The following EVPL variants were observed in gnomAD, a reference collection of about 807,000 sequenced individuals.
EVPL encodes envoplakin.
EVPL carries 94 observed loss-of-function variants against 129.7 expected under a neutral mutation model. That is an observed-to-expected ratio of 0.72 (90% CI 0.61 to 0.86). The LOEUF (loss-of-function observed/expected upper bound fraction) is 0.86. EVPL is among the 40% of genes least tolerant of loss of function. The pLI is 0.00. For missense variants in EVPL, 2,625 were observed against 2,721.1 expected (o/e 0.96, Z 0.79); for synonymous variants, 1,172 against 1,191.1 (o/e 0.98, Z 0.33).
chr17:76,014,874 G>A, intron 17 of EVPL, 42 bp downstream of exon 17: 1 of 1,537,614 alleles, frequency 6.5e-7, no homozygotes. Flanking sequence ...GCCTGGCTCT[G>A]CACCAGCCCA....
In EVPL at chr17:76,017,725, C is replaced by A. The variant is rs774915012; in HGVS notation, c.1710+14G>T. The A allele has an allele frequency of 2.5e-6, 4 of 1,606,596 alleles. No individual in the cohort carries two copies. The highest frequency in any genetic ancestry group is 1.7e-6 in the Non-Finnish European group (2 of 1,176,824). On this transcript the variant is annotated intron_variant, in intron 14 of 21. Coordinates refer to ENST00000301607, the MANE Select transcript of EVPL (RefSeq NM_001988.4). Reference sequence around the variant, plus strand: ...GCTTCTCATCCCAGCCGCCCCTTCCCGCTGCTCACCCACCTCATGGCTGTG... The same window carrying A: ...GCTTCTCATCCCAGCCGCCCCTTCCAGCTGCTCACCCACCTCATGGCTGTG...
intron 14 of EVPL, among the ~76,000 whole-genome samples, chr17:76,017,181 C>T (rs904715471): frequency 6.6e-5 from 10 of 152,212 alleles, no homozygotes; most frequent in Non-Finnish European, 1.3e-4. Context: ...CCACTGCACT[C>T]CAGCCTGGGT....
rs982013947 is a variant in EVPL at position 76,024,376 on chromosome 17, C to T, written c.99-256G>A. On this transcript the variant is annotated intron_variant, in intron 1 of 21. Coordinates refer to ENST00000301607, the MANE Select transcript of EVPL (RefSeq NM_001988.4). The surrounding 1 kb of genome is among the most constrained non-coding windows in gnomAD (Gnocchi z 4.5). ...GTGCTGGGGAGGGGGCAGGCGGCCT[C>T]GGTGTCCCAGCCTTAGCCAGCTGTG... 2.0e-5 allele frequency among the ~76,000 whole-genome samples: 3 copies of T among 151,448 alleles called. No homozygotes were observed. Among genetic ancestry groups the T allele is most frequent in the African/African-American group, 7.3e-5 (3 of 41,166 alleles).
At position 76,014,287 on chromosome 17, in the gene EVPL, G is replaced by A. The variant is rs935350467; in HGVS notation, c.2373+139C>T. The A allele has an allele frequency of 4.3e-5, 53 of 1,219,414 alleles. No individual in the cohort carries two copies. In the African/African-American group the frequency reaches 7.6e-4, roughly 17 times the overall value. 75.5% of individuals were successfully genotyped at this position (1,219,414 alleles called of 1,614,324 possible). A position where few individuals can be genotyped will look rare whatever the true frequency, so the allele number is the denominator to read the frequency against. On this transcript the variant is annotated intron_variant, in intron 18 of 21. Coordinates refer to ENST00000301607, the MANE Select transcript of EVPL (RefSeq NM_001988.4). ...TGGGCTGGCCCCGTCTGTGGGCAAA[G>A]AGGAGCATTTCAGCTGGAGGCCAGG... is the stretch of plus-strand genomic sequence containing the variant.
At position 76,013,429 on chromosome 17, in the gene EVPL, C is replaced by A. The variant is rs76792794; in HGVS notation, c.2373+997G>T. On this transcript the variant is annotated intron_variant, in intron 18 of 21. Transcript: ENST00000301607. The surrounding 1 kb of genome is among the most constrained non-coding windows in gnomAD (Gnocchi z 4.3). ...TCCCATATGCCTACGTCCACCTCCC[C>A]GCTGCCCTCGGCTGTCCTGGCCACC... Among the ~76,000 whole-genome samples the A allele has an allele frequency of 1.3e-5, 2 of 152,172 alleles. No individual in the cohort carries two copies. Among genetic ancestry groups the A allele is most frequent in the Non-Finnish European group, 2.9e-5 (2 of 68,032 alleles).
In EVPL at chr17:76,010,566, A is replaced by G. The variant is rs545788347; in HGVS notation, c.2662-23T>C. The G allele has an allele frequency of 2.4e-5, 38 of 1,593,192 alleles. No homozygotes were observed. In the East Asian group the frequency reaches 8.3e-4, roughly 35 times the overall value. On this transcript the variant is annotated intron_variant, in intron 21 of 21. Transcript: ENST00000301607. Reference sequence around the variant, plus strand: ...CTTCTGCAGAGAGGAAGAAGGGTAGAGCACGGGGTGGGCGGTAGAGATAGG... The same window carrying G: ...CTTCTGCAGAGAGGAAGAAGGGTAGGGCACGGGGTGGGCGGTAGAGATAGG...
chr17:76,023,618 G>T lies in EVPL; in HGVS notation c.235C>A (p.His79Asn). Reference protein sequence around the residue: ...LNSEQSQALQHQQETGRSLKE... With the variant: ...LNSEQSQALQNQQETGRSLKE... ...AGGCTGCGGCCCGTCTCCTGCTGGT[G>T]CTGCAGGGCCTGGCTCTGCTCACTG... is the stretch of plus-strand genomic sequence containing the variant. Residue 79 changes from histidine to asparagine, a missense_variant, in exon 3 of 22, where the codon CAC becomes AAC. By Grantham distance (68) the His-to-Asn change is moderately conservative. Coordinates refer to ENST00000301607, the MANE Select transcript of EVPL (RefSeq NM_001988.4). 6.2e-7 allele frequency: 1 copy of T among 1,605,096 alleles called. No individual in the cohort carries two copies. The highest frequency in any genetic ancestry group is 1.7e-5 in the Admixed American group (1 of 59,126).
Position 76,008,545 on chromosome 17 carries a change from C to CCCGGGCCTG in EVPL, c.4651_4659dup (p.Gln1551_Arg1553dup). On this transcript the variant is annotated inframe_insertion, in exon 22 of 22. Coordinates refer to ENST00000301607, the MANE Select transcript of EVPL (RefSeq NM_001988.4). The surrounding 1 kb of genome is among the most constrained non-coding windows in gnomAD (Gnocchi z 7.4). ...TCCCGCAGGCGCCGTGCCTCCTCCT[C>CCCGGGCCTG]CCGGGCCTGCCGGGCCGTGCGCTCC... 1 of 1,608,324 alleles carries CCCGGGCCTG rather than the reference C, an allele frequency of 6.2e-7. No homozygotes were observed. Among genetic ancestry groups the CCCGGGCCTG allele is most frequent in the Non-Finnish European group, 8.5e-7 (1 of 1,179,692 alleles).
At position 76,010,032 on chromosome 17, in the gene EVPL, T is replaced by G; in HGVS notation, c.3173A>C (p.Lys1058Thr). Residue 1058 changes from lysine to threonine, a missense_variant, in exon 22 of 22, where the codon AAG (lysine) becomes ACG (threonine). Transcript: ENST00000301607. ...CCTCTTCTCAAGGGCCAGTAGCTCC[T>G]TCTTCAGCCCTTCCAGCCGGGCCGA... ...VISARLEGLK[K>T]ELLALEKREV... The G allele has an allele frequency of 6.2e-7, 1 of 1,613,156 alleles. No individual in the cohort carries two copies. Among genetic ancestry groups the G allele is most frequent in the South Asian group, 1.1e-5 (1 of 91,088 alleles).
At chr17:76,019,758 T>C (rs376733753) in intron 9 of EVPL, 105 bp from the exon 10 acceptor site, 3 of 1,372,882 alleles carry the variant, frequency 2.2e-6, no homozygotes, top group African/African-American at 3.2e-5. Context: ...CAGCTAAACC[T>C]AAACCAGCTA....
intron 14 of EVPL, among the ~76,000 whole-genome samples, chr17:76,017,189 G>A (rs537544731): frequency 2.6e-5 from 4 of 152,338 alleles, no homozygotes; most frequent in African/African-American, 9.6e-5. Flanking sequence ...CTCCAGCCTG[G>A]GTGATGCAGA....
intron 13 of EVPL, 97 bp downstream of exon 13, chr17:76,018,061 CCCT>C: frequency 6.5e-7 from 1 of 1,532,946 alleles, no homozygotes; most frequent in Admixed American, 2.0e-5. Context: ...GAGTGATGGT[CCCT>C]AACCCAAGGC....
In EVPL at chr17:76,027,158, G is replaced by C; in HGVS notation, c.41C>G (p.Ser14Cys). ...CCCCTTGGCGGGGGAGCCCTTGGGG[G>C]ACCCCTTCCCCTGGGAGCCTTTGCT... ...GLSKGSQGKG[S>C]PKGSPAKGSP... Residue 14 changes from serine (S) to cysteine (C), a missense_variant, in exon 1 of 22, where the codon TCC becomes TGC. This residue lies in a region of EVPL where 139 missense variants were observed against 186.8 expected (regional missense o/e 0.74). Coordinates refer to ENST00000301607, the MANE Select transcript of EVPL (RefSeq NM_001988.4). 6.3e-7 allele frequency: 1 copy of C among 1,581,214 alleles called. No homozygotes were observed. The highest frequency in any genetic ancestry group is 8.6e-7 in the Non-Finnish European group (1 of 1,167,288).
chr17:76,008,857 C>T lies in EVPL; in HGVS notation c.4348G>A (p.Glu1450Lys). The stretch of plus-strand genomic sequence containing the variant: ...TCCTGCACCGTGGGAGGCCGCTTCT[C>T]GAGCTCCTGGATCCTCAAGGTCAGC... ...RQLTLRIQEL[E>K]KRPPTVQEKI... The change falls in exon 22 of 22, where the codon GAG becomes AAG. Residue 1450 changes from glutamate to lysine, a missense_variant. Transcript: ENST00000301607. This position sits in a 1 kb window ranked among gnomAD's most constrained non-coding sequence, Gnocchi z 7.4. 2 of 1,613,908 alleles carry T rather than the reference C, an allele frequency of 1.2e-6. No individual in the cohort carries two copies. Among genetic ancestry groups the T allele is most frequent in the Non-Finnish European group, 1.7e-6 (2 of 1,179,976 alleles).
chr17:76,008,589 A>G lies in EVPL; in HGVS notation c.4616T>C (p.Val1539Ala), dbSNP rs779417063. The G allele has an allele frequency of 6.2e-7, 1 of 1,611,196 alleles. No homozygotes were observed. Among genetic ancestry groups the G allele is most frequent in the Admixed American group, 1.7e-5 (1 of 60,014 alleles). ...DRVLEDERARVWEMLNRERTA... is the reference protein window; with the variant it reads ...DRVLEDERARAWEMLNRERTA... ...GCGCTCCCTGTTGAGCATCTCCCAC[A>G]CGCGGGCCCGCTCATCTTCCAGGAC... is the stretch of plus-strand genomic sequence containing the variant. The change falls in exon 22 of 22, where the codon GTG (valine) becomes GCG (alanine). Residue 1539 changes from valine (V) to alanine (A), a missense_variant. Coordinates refer to ENST00000301607, the MANE Select transcript of EVPL (RefSeq NM_001988.4). The surrounding 1 kb of genome is among the most constrained non-coding windows in gnomAD (Gnocchi z 7.4).
chr17:76,008,784 A>G lies in EVPL; in HGVS notation c.4421T>C (p.Leu1474Pro). 1 of 1,614,116 alleles carries G rather than the reference A, an allele frequency of 6.2e-7. No individual in the cohort carries two copies. The highest frequency in any genetic ancestry group is 8.5e-7 in the Non-Finnish European group (1 of 1,180,012). Residue 1474 changes from leucine to proline, a missense_variant, in exon 22 of 22, where the codon CTG becomes CCG. Leu to Pro is a moderately conservative substitution (Grantham distance 98). Transcript: ENST00000301607. The surrounding 1 kb of genome is among the most constrained non-coding windows in gnomAD (Gnocchi z 7.4). ...CCGCAGGGCTTCCGTGGACTTCTCC[A>G]GGTCCGGGTCCTTCTCCAGCTTGAC... The part of the protein sequence containing the change: ...EVVKLEKDPD[L>P]EKSTEALRWD...
At position 76,009,264 on chromosome 17, in the gene EVPL, C is replaced by A; in HGVS notation, c.3941G>T (p.Ser1314Ile). ...CTTCTCGTGGCGCACCACCTCCTTG[C>A]TCACCGTCTTGGTCTCCACCTTGGC... ...ERAKVETKTV[S>I]KEVVRHEKDP... Residue 1314 changes from serine (S) to isoleucine (I), a missense_variant, in exon 22 of 22, where the codon AGC becomes ATC. Physicochemically the swap from Ser to Ile is moderately radical, Grantham distance 142. Transcript: ENST00000301607. The surrounding 1 kb of genome is among the most constrained non-coding windows in gnomAD (Gnocchi z 5.9). 2.5e-6 allele frequency: 4 copies of A among 1,607,706 alleles called. No homozygotes were observed. Among genetic ancestry groups the A allele is most frequent in the Non-Finnish European group, 3.4e-6 (4 of 1,179,920 alleles).
chr17:76,008,268 A>G lies in EVPL; in HGVS notation c.4937T>C (p.Leu1646Pro). 1.2e-6 allele frequency: 2 copies of G among 1,612,410 alleles called. No homozygotes were observed. Among genetic ancestry groups the G allele is most frequent in the Non-Finnish European group, 1.7e-6 (2 of 1,179,910 alleles). Reference sequence around the variant, plus strand: ...CTCGTAGATCTGGTCCTTCTCGCGGAGGATGGCCGCCTCCAGCCGCGAGAG... The same window carrying G: ...CTCGTAGATCTGGTCCTTCTCGCGGGGGATGGCCGCCTCCAGCCGCGAGAG... ...QELSRLEAAI[L>P]REKDQIYEKE... The change falls in exon 22 of 22, where the codon CTC becomes CCC. Residue 1646 changes from leucine to proline, a missense_variant. By Grantham distance (98) the Leu-to-Pro change is moderately conservative. Transcript: ENST00000301607. The surrounding 1 kb of genome is among the most constrained non-coding windows in gnomAD (Gnocchi z 7.4).
At chr17:76,025,563 C>G (rs368679735) in intron 1 of EVPL, among the ~76,000 whole-genome samples, 1 of 152,168 alleles carries the variant, frequency 6.6e-6, no homozygotes, top group Non-Finnish European at 1.5e-5. Context: ...CTGCTCCCAC[C>G]GGGAGCTGCA....
Sources: gnomAD v4.1 joint callset for allele counts (sites outside exome capture counted in the v4.1 genomes callset) on GRCh38, gnomAD v4.1.1 for gene constraint, gnomAD v4.1.1 regional missense constraint, Gnocchi (gnomAD v3.1) non-coding constraint, MANE v1.5 for transcripts, NCBI Gene and HGNC (gene_info 2026-07-23, HGNC 2026-07-21) for gene names.